ZEB1: variants seen among roughly 807,000 people sequenced by gnomAD.
ZEB1 encodes zinc finger E-box-binding homeobox 1.
ZEB1 carries 21 observed loss-of-function variants against 84.9 expected under a neutral mutation model. That is an observed-to-expected ratio of 0.25 (90% CI 0.18 to 0.36). The LOEUF is 0.36. Among genes scored for constraint, ZEB1 ranks in the 10% least tolerant of loss-of-function variants. The pLI, the probability that ZEB1 is intolerant of heterozygous loss-of-function variation, is 1.00. For synonymous variants in ZEB1, 420 were observed against 471.1 expected, an observed-to-expected ratio of 0.89 and a Z score of 1.41; for missense variants, 1,104 against 1,330.2, an observed-to-expected ratio of 0.83 and a Z score of 2.65.
chr10:31,337,975 G>T (rs568027514), intron 1 of ZEB1, among the ~76,000 whole-genome samples: 1 of 152,048 alleles, frequency 6.6e-6, no homozygotes, highest in African/African-American at 2.4e-5. Flanking sequence ...GAGACACCGC[G>T]CCCGGCCTAA....
chr10:31,336,251 C>T (rs2038027682), intron 1 of ZEB1, among the ~76,000 whole-genome samples: 2 of 152,238 alleles, frequency 1.3e-5, no homozygotes, highest in East Asian at 3.9e-4. Flanking sequence ...GCAAGATACT[C>T]ATTCATGAAA....
chr10:31,361,249 G>A, intron 1 of ZEB1: 3 of 1,599,010 alleles, frequency 1.9e-6, no homozygotes, highest in Non-Finnish European at 2.6e-6. Context: ...CTGGAGTGCA[G>A]TGGTGCGATC....
intron 1 of ZEB1, among the ~76,000 whole-genome samples, chr10:31,341,126 A>G (rs931409042): frequency 6.6e-6 from 1 of 152,100 alleles, no homozygotes; most frequent in Admixed American, 6.6e-5. Flanking sequence ...TAGGGGCCCA[A>G]TTTGATTGTA....
At chr10:31,418,305 G>A (rs1178002718) in intron 1 of ZEB1, among the ~76,000 whole-genome samples, 1 of 151,762 alleles carries the variant, frequency 6.6e-6, no homozygotes, top group East Asian at 1.9e-4. Context: ...ATACCCAGTG[G>A]CAAAAACAAA....
At chr10:31,340,193 T>C (rs577903562) in intron 1 of ZEB1, among the ~76,000 whole-genome samples, 2 of 152,320 alleles carry the variant, frequency 1.3e-5, no homozygotes, top group Non-Finnish European at 2.9e-5. Flanking sequence ...CAATGAATTA[T>C]CTAGGATGAT....
At position 31,437,829 on chromosome 10, in the gene ZEB1, T is replaced by G. The variant is rs541084425; in HGVS notation, c.59-23208T>G. Among the ~76,000 whole-genome samples the G allele has an allele frequency of 2.0e-5, 3 of 152,338 alleles. No individual in the cohort carries two copies. The East Asian group carries it at 5.8e-4, about 29-fold the overall frequency. ...ACAGCATTACTAGTTTGAAGGAATC[T>G]TGGAGAACCAAATAAAATGAATTAG... On this transcript the variant is annotated intron_variant, in intron 1 of 8. Coordinates refer to ENST00000424869, the MANE Select transcript of ZEB1 (RefSeq NM_001174096.2).
chr10:31,462,361 ACT>A (rs774076997), intron 2 of ZEB1, among the ~76,000 whole-genome samples: 11 of 152,240 alleles, frequency 7.2e-5, no homozygotes, highest in Admixed American at 2.0e-4. Context: ...TGTGGATAAG[ACT>A]CTCTGCATGA....
chr10:31,527,073 G>T lies in ZEB1; in HGVS notation c.3187G>T (p.Asp1063Tyr). The T allele has an allele frequency of 6.3e-7, 1 of 1,588,158 alleles. No individual in the cohort carries two copies. The highest frequency in any genetic ancestry group is 8.6e-7 in the Non-Finnish European group (1 of 1,164,878). The change falls in exon 9 of 9, where the codon GAT (aspartate) becomes TAT (tyrosine). Residue 1063 changes from aspartate (D) to tyrosine (Y), a missense_variant. Around this residue, in one of 7 missense-constraint regions of ZEB1, gnomAD observed 173 missense variants for 167.0 expected, o/e 1.04. Transcript: ENST00000424869. ...EEKECEKPQGDEEEEEEEEEV... is the reference protein window; with the variant it reads ...EEKECEKPQGYEEEEEEEEEV... The stretch of plus-strand genomic sequence containing the variant: ...AAAAGAATGTGAAAAACCACAAGGG[G>T]ATGAGGAAGAGGAGGAGGAGGAGGA...
intron 1 of ZEB1, among the ~76,000 whole-genome samples, chr10:31,339,294 T>A (rs186720283): frequency 6.6e-6 from 1 of 152,194 alleles, no homozygotes; most frequent in African/African-American, 2.4e-5. Context: ...GCAAAACACA[T>A]GACTGTTAAT....
At chr10:31,404,641 A>G (rs2052641218) in intron 1 of ZEB1, among the ~76,000 whole-genome samples, 1 of 152,142 alleles carries the variant, frequency 6.6e-6, no homozygotes, top group Non-Finnish European at 1.5e-5. Flanking sequence ...TGTAAAGATT[A>G]GGTTACAATT....
At chr10:31,442,067 C>T (rs572561627) in intron 1 of ZEB1, among the ~76,000 whole-genome samples, 7 of 152,124 alleles carry the variant, frequency 4.6e-5, no homozygotes, top group Non-Finnish European at 1.0e-4. Flanking sequence ...GGTATATACC[C>T]AAAGGATTAT....
At chr10:31,415,243 G>A (rs554214667) in intron 1 of ZEB1, among the ~76,000 whole-genome samples, 1 of 152,242 alleles carries the variant, frequency 6.6e-6, no homozygotes, top group Non-Finnish European at 1.5e-5. Context: ...AGATGGTACA[G>A]TGCTAGTAAA....
intron 1 of ZEB1, among the ~76,000 whole-genome samples, chr10:31,339,958 A>G (rs1278956805): frequency 2.0e-5 from 3 of 152,072 alleles, no homozygotes; most frequent in Admixed American, 2.0e-4. Context: ...TTTTTATGTT[A>G]TTTTAGATAA....
intron 1 of ZEB1, among the ~76,000 whole-genome samples, chr10:31,343,864 C>T (rs1201805238): frequency 6.6e-6 from 1 of 152,114 alleles, no homozygotes; most frequent in Non-Finnish European, 1.5e-5. Flanking sequence ...AAATGCCTGT[C>T]AAATCAGATG....
chr10:31,447,557 T>C (rs1459364760), intron 1 of ZEB1, among the ~76,000 whole-genome samples: 3 of 136,680 alleles, frequency 2.2e-5, no homozygotes, highest in Admixed American at 7.6e-5. Context: ...TGGTACCGGT[T>C]GTTCCTTTCC....
At chr10:31,413,401 T>C (rs1246407210) in intron 1 of ZEB1, among the ~76,000 whole-genome samples, 2 of 152,130 alleles carry the variant, frequency 1.3e-5, no homozygotes, top group Non-Finnish European at 2.9e-5. Flanking sequence ...TTAGGTATTG[T>C]GTAGATGATG....
chr10:31,462,665 G>A (rs2061947700), intron 2 of ZEB1, among the ~76,000 whole-genome samples: 1 of 152,084 alleles, frequency 6.6e-6, no homozygotes, highest in Non-Finnish European at 1.5e-5. Flanking sequence ...GATCAGAGAA[G>A]TAAACAAGGG....
intron 1 of ZEB1, among the ~76,000 whole-genome samples, chr10:31,374,194 C>T (rs546428579): frequency 2.6e-5 from 4 of 151,864 alleles, no homozygotes; most frequent in East Asian, 1.9e-4. Context: ...GTGATTTTTG[C>T]GATTCACATA....
At chr10:31,445,453 T>C (rs1280033978) in intron 1 of ZEB1, among the ~76,000 whole-genome samples, 1 of 147,350 alleles carries the variant, frequency 6.8e-6, no homozygotes, top group African/African-American at 2.6e-5. Context: ...CAACACTATG[T>C]TGAATAGGAG....
Sources: gnomAD v4.1 joint callset for allele counts (sites outside exome capture counted in the v4.1 genomes callset) on GRCh38, gnomAD v4.1.1 for gene constraint, gnomAD v4.1.1 regional missense constraint, MANE v1.5 for transcripts, NCBI Gene and HGNC (gene_info 2026-07-23, HGNC 2026-07-21) for gene names.